Variants in FSTL5 observed in about 807,000 individuals in gnomAD.
The protein encoded by FSTL5 is follistatin-related protein 5.
Under a neutral mutation model 89.1 loss-of-function variants are expected in FSTL5, and 62 were observed. The observed-to-expected ratio is 0.70, with a 90% CI of 0.57 to 0.86. The LOEUF (loss-of-function observed/expected upper bound fraction) is 0.86, where lower values mean the gene tolerates loss of function less well. Ranked by LOEUF, FSTL5 falls within the 40% of genes least tolerant of loss-of-function variation. The probability of loss-of-function intolerance (pLI) is 0.00; values close to 1 mark genes in which losing one functional copy is unlikely to be tolerated. For missense variants in FSTL5, 1,057 were observed against 1,001.6 expected, an observed-to-expected ratio of 1.06 and a Z score of -0.75; for synonymous variants, 383 against 346.2, an observed-to-expected ratio of 1.11 and a Z score of -1.18.
intron 3 of FSTL5, among the ~76,000 whole-genome samples, chr4:161,977,618 A>AT (rs1735689679): frequency 8.8e-5 from 5 of 57,138 alleles, no homozygotes; most frequent in East Asian, 8.0e-4. Flanking sequence ...GTGTCAAAAA[A>AT]AAAAAAAAAA....
intron 7 of FSTL5, among the ~76,000 whole-genome samples, chr4:161,650,672 C>T (rs549783253): frequency 7.2e-5 from 11 of 152,152 alleles, no homozygotes; most frequent in African/African-American, 2.6e-4. Flanking sequence ...CTCCTTATTA[C>T]AAATGAAGAA....
chr4:161,792,101 C>A (rs1303401737), intron 4 of FSTL5, among the ~76,000 whole-genome samples: 2 of 152,194 alleles, frequency 1.3e-5, no homozygotes, highest in Non-Finnish European at 2.9e-5. Context: ...CTTGGAAATG[C>A]CAGCTCCTGC....
chr4:161,822,934 G>A (rs2126852654), intron 4 of FSTL5, among the ~76,000 whole-genome samples: 1 of 152,286 alleles, frequency 6.6e-6, no homozygotes, highest in South Asian at 2.1e-4. Flanking sequence ...GCAGAAAGGA[G>A]ACCTGTAGTG....
intron 4 of FSTL5, among the ~76,000 whole-genome samples, chr4:161,826,255 C>A (rs1197105142): frequency 6.6e-6 from 1 of 151,954 alleles, no homozygotes; most frequent in Admixed American, 6.6e-5. Context: ...AATATAATTT[C>A]AATTTTCTTA....
At chr4:162,025,637 T>G (rs1207633184) in intron 3 of FSTL5, among the ~76,000 whole-genome samples, 1 of 152,082 alleles carries the variant, frequency 6.6e-6, no homozygotes, top group Non-Finnish European at 1.5e-5. Context: ...TGACATAAAT[T>G]TTAGTAGAAT....
At chr4:161,526,115 T>A (rs1033898586) in intron 10 of FSTL5, among the ~76,000 whole-genome samples, 9 of 152,240 alleles carry the variant, frequency 5.9e-5, no homozygotes, top group African/African-American at 2.2e-4. Context: ...TCATACAGGG[T>A]CCTCTGTTGT....
Position 161,521,888 on chromosome 4 carries a change from T to C in FSTL5, c.1313-11464A>G, listed in dbSNP as rs927235258. Among the ~76,000 whole-genome samples, 30 of 149,748 alleles carry C rather than the reference T, an allele frequency of 2.0e-4. 1 individual carries two copies. The highest frequency in any genetic ancestry group is 6.9e-4 in the African/African-American group (28 of 40,336). ...AAGAAAAAAAAAGAAAAAAAGGTTA[T>C]GAATTTGGAGTTACTGTCCACATTA... On this transcript the variant is annotated intron_variant, in intron 10 of 15. Coordinates refer to ENST00000306100, the MANE Select transcript of FSTL5 (RefSeq NM_020116.5).
chr4:162,000,858 G>A (rs933668969), intron 3 of FSTL5, among the ~76,000 whole-genome samples: 1 of 152,052 alleles, frequency 6.6e-6, no homozygotes, highest in African/African-American at 2.4e-5. Context: ...ACAAAATAAG[G>A]AAGCACCAAA....
chr4:162,066,158 C>A (rs1376134802), intron 2 of FSTL5, among the ~76,000 whole-genome samples: 2 of 151,770 alleles, frequency 1.3e-5, no homozygotes, highest in African/African-American at 4.8e-5. Flanking sequence ...TTATTTGATT[C>A]TTTTCCACTC....
chr4:161,394,616 T>A (rs947839901), intron 15 of FSTL5, among the ~76,000 whole-genome samples: 5 of 152,166 alleles, frequency 3.3e-5, no homozygotes, highest in Admixed American at 2.6e-4. Context: ...AGGTTACACA[T>A]ATGATCAATA....
At chr4:162,043,704 T>C (rs1418578617) in intron 2 of FSTL5, among the ~76,000 whole-genome samples, 1 of 152,232 alleles carries the variant, frequency 6.6e-6, no homozygotes, top group Non-Finnish European at 1.5e-5. Context: ...TAGTCAATTC[T>C]CTCAAAGCCT....
intron 3 of FSTL5, among the ~76,000 whole-genome samples, chr4:162,014,175 T>A (rs944739483): frequency 2.0e-5 from 3 of 152,238 alleles, no homozygotes; most frequent in Non-Finnish European, 4.4e-5. Context: ...TCATCAGGTT[T>A]ATCTGAATCA....
chr4:161,723,947 A>C (rs1739305696), intron 6 of FSTL5, among the ~76,000 whole-genome samples: 1 of 152,152 alleles, frequency 6.6e-6, no homozygotes, highest in Admixed American at 6.6e-5. Context: ...TTAATATTAA[A>C]ACTATTAAAT....
intron 7 of FSTL5, among the ~76,000 whole-genome samples, chr4:161,623,045 G>GA: frequency 6.6e-6 from 1 of 152,078 alleles, no homozygotes; most frequent in Middle Eastern, 3.4e-3. Context: ...CTCAATAACT[G>GA]CTGAAAAAAT....
At chr4:161,656,260 C>A in intron 7 of FSTL5, 68 bp downstream of exon 7, 2 of 779,928 alleles carry the variant, frequency 2.6e-6, no homozygotes, top group East Asian at 3.0e-5. Flanking sequence ...GCTCCCCTGA[C>A]ATCACAAAGT....
At chr4:161,639,371 C>G (rs1223340476) in intron 7 of FSTL5, among the ~76,000 whole-genome samples, 3 of 152,110 alleles carry the variant, frequency 2.0e-5, no homozygotes, top group Non-Finnish European at 4.4e-5. Flanking sequence ...GCTTGCTGTT[C>G]TGTGCTATGG....
At chr4:161,694,307 T>C (rs1738058244) in intron 6 of FSTL5, among the ~76,000 whole-genome samples, 1 of 152,170 alleles carries the variant, frequency 6.6e-6, no homozygotes, top group Non-Finnish European at 1.5e-5. Flanking sequence ...TACTTTAATA[T>C]ATCTGATGGT....
rs142913957 is a variant in FSTL5 at position 161,687,520 on chromosome 4, A to G, written c.728-31026T>C. Among the ~76,000 whole-genome samples, 83 of 152,286 alleles carry G rather than the reference A, an allele frequency of 5.5e-4. 1 individual carries two copies. In the East Asian group the frequency reaches 0.012, roughly 22 times the overall value. On this transcript the variant is annotated intron_variant, in intron 6 of 15. Transcript: ENST00000306100. Reference sequence around the variant, plus strand: ...TGGAGACAAACATATCCACTCATGAATGTCTAGGTCAGTATTTCAGCCTCA... The same window carrying G: ...TGGAGACAAACATATCCACTCATGAGTGTCTAGGTCAGTATTTCAGCCTCA...
chr4:162,111,422 T>A lies in FSTL5; in HGVS notation c.-16-10A>T, dbSNP rs755727111. 5.1e-6 allele frequency: 8 copies of A among 1,582,294 alleles called. No homozygotes were observed. In the South Asian group the frequency reaches 9.2e-5, roughly 18 times the overall value. On this transcript the variant is annotated splice_polypyrimidine_tract_variant and intron_variant, in intron 1 of 15. Transcript: ENST00000306100. ...CCTTATTGCTTTTCACCTGTCAAAA[T>A]TAAAATTGCAAGGAATCAGAGAAAA...
Sources: gnomAD v4.1 joint callset for allele counts (sites outside exome capture counted in the v4.1 genomes callset) on GRCh38, gnomAD v4.1.1 for gene constraint, MANE v1.5 for transcripts, NCBI Gene and HGNC (gene_info 2026-07-23, HGNC 2026-07-21) for gene names.